The following ROBO1 variants were observed in gnomAD, a reference collection of about 807,000 sequenced individuals.
ROBO1 encodes the protein roundabout guidance receptor 1, also known as roundabout homolog 1.
In ROBO1, 149 loss-of-function variants were observed where a neutral mutation model predicts 195.9. That is an observed-to-expected ratio of 0.76 (90% CI 0.67 to 0.87). The LOEUF is 0.87. Ranked by LOEUF, ROBO1 falls within the 40% of genes least tolerant of loss-of-function variation. The pLI is 0.00. For synonymous variants in ROBO1, 816 were observed against 733.2 expected (o/e 1.11, Z -1.82); for missense variants, 1,933 against 2,068.3 (o/e 0.93, Z 1.27).
chr3:78,870,379 A>G (rs560485292), intron 4 of ROBO1, among the ~76,000 whole-genome samples: 1 of 152,330 alleles, frequency 6.6e-6, no homozygotes, highest in East Asian at 1.9e-4. Context: ...CGACTTCTAC[A>G]TGCAAGTGTG....
At chr3:78,619,960 G>A (rs1483397511) in intron 26 of ROBO1, among the ~76,000 whole-genome samples, 1 of 150,490 alleles carries the variant, frequency 6.6e-6, no homozygotes, top group Non-Finnish European at 1.5e-5. Context: ...AGGGGTTGCA[G>A]TGAGCCAAGA....
At chr3:79,058,495 G>C (rs1321076145) in intron 3 of ROBO1, among the ~76,000 whole-genome samples, 1 of 151,944 alleles carries the variant, frequency 6.6e-6, no homozygotes, top group Non-Finnish European at 1.5e-5. Flanking sequence ...TATGGGAAGG[G>C]GAAACTTTTC....
chr3:78,806,181 C>A (rs1250009369), intron 4 of ROBO1, among the ~76,000 whole-genome samples: 1 of 152,032 alleles, frequency 6.6e-6, no homozygotes, highest in African/African-American at 2.4e-5. Context: ...ACTATGTTAA[C>A]CAGGCTAGCC....
intron 3 of ROBO1, among the ~76,000 whole-genome samples, chr3:78,961,244 A>G (rs556763558): frequency 6.7e-4 from 102 of 152,088 alleles, no homozygotes; most frequent in Non-Finnish European, 1.3e-3. Context: ...TAAATTTTTC[A>G]TACAAAAAAA....
At chr3:79,565,683 G>A (rs770838280) in intron 2 of ROBO1, among the ~76,000 whole-genome samples, 59 of 151,908 alleles carry the variant, frequency 3.9e-4, no homozygotes, top group Non-Finnish European at 7.9e-4. Flanking sequence ...AGTCCTGAAG[G>A]GCTGACCAAT....
At chr3:79,534,653 A>G (rs1941786809) in intron 2 of ROBO1, among the ~76,000 whole-genome samples, 1 of 152,162 alleles carries the variant, frequency 6.6e-6, no homozygotes, top group African/African-American at 2.4e-5. Context: ...GGTGAGTTTC[A>G]AAAGAACTAA....
Position 79,159,041 on chromosome 3 carries a change from T to A in ROBO1, c.89-33502A>T, listed in dbSNP as rs1039547658. 2.0e-5 allele frequency among the ~76,000 whole-genome samples: 3 copies of A among 151,962 alleles called. No individual in the cohort carries two copies. The East Asian group carries it at 5.8e-4, about 30-fold the overall frequency. On this transcript the variant is annotated intron_variant, in intron 2 of 30. Transcript: ENST00000464233. ...ATGAATGTTTTTGGAAGAAATAATA[T>A]CCCCCATATTATTCAAGTAAAATTT... is the stretch of plus-strand genomic sequence containing the variant.
chr3:78,895,065 C>T (rs1429460146), intron 4 of ROBO1, among the ~76,000 whole-genome samples: 1 of 152,166 alleles, frequency 6.6e-6, no homozygotes, highest in Non-Finnish European at 1.5e-5. Context: ...ATTACAGAGC[C>T]CAACATGCAT....
chr3:79,557,156 TATTAA>T (rs1446031521), intron 2 of ROBO1, among the ~76,000 whole-genome samples: 4 of 151,942 alleles, frequency 2.6e-5, no homozygotes, highest in Admixed American at 2.6e-4. Flanking sequence ...TGTTTAAAAT[TATTAA>T]ATTAATCTTA....
chr3:78,789,813 A>G (rs1344255628), intron 4 of ROBO1, among the ~76,000 whole-genome samples: 1 of 152,142 alleles, frequency 6.6e-6, no homozygotes, highest in Non-Finnish European at 1.5e-5. Flanking sequence ...CCCTCTTTAG[A>G]GCTCAAGCCA....
intron 1 of ROBO1, among the ~76,000 whole-genome samples, chr3:79,664,254 C>T (rs369524454): frequency 6.1e-4 from 92 of 152,018 alleles, no homozygotes; most frequent in African/African-American, 2.1e-3. Flanking sequence ...ATTCCAAGGA[C>T]CTGAATAATC....
At chr3:79,410,108 T>C (rs114689847) in intron 2 of ROBO1, among the ~76,000 whole-genome samples, 5,232 of 152,216 alleles carry the variant, frequency 0.034, 202 homozygotes, top group African/African-American at 0.098. Context: ...TAGAACTGTG[T>C]CTGTAAATTA....
chr3:78,917,598 A>G lies in ROBO1; in HGVS notation c.499+21003T>C, dbSNP rs542976928. Among the ~76,000 whole-genome samples the G allele has an allele frequency of 2.0e-5, 3 of 152,326 alleles. No homozygotes were observed. The South Asian group carries it at 6.2e-4, about 32-fold the overall frequency. On this transcript the variant is annotated intron_variant, in intron 4 of 30. Coordinates refer to ENST00000464233, the MANE Select transcript of ROBO1 (RefSeq NM_002941.4). ...TAAAATCTGAAATTCCATCATGAAT[A>G]ATCAGCTATAATAAAGAAAAAGAAG...
intron 2 of ROBO1, among the ~76,000 whole-genome samples, chr3:79,180,493 C>A (rs531341610): frequency 3.3e-5 from 5 of 152,308 alleles, no homozygotes; most frequent in African/African-American, 1.2e-4. Context: ...CACTTTCCAA[C>A]TGCCAATCGA....
intron 3 of ROBO1, among the ~76,000 whole-genome samples, chr3:79,053,631 G>T (rs529321063): frequency 2.4e-4 from 37 of 151,766 alleles, no homozygotes; most frequent in African/African-American, 8.9e-4. Flanking sequence ...ACACATGGAC[G>T]CTAGTAATCA....
chr3:79,725,338 T>C (rs1465790982), intron 1 of ROBO1, among the ~76,000 whole-genome samples: 3 of 147,548 alleles, frequency 2.0e-5, no homozygotes, highest in Non-Finnish European at 4.5e-5. Context: ...GCCATTCTCC[T>C]GCCTCAGCCT....
intron 4 of ROBO1, among the ~76,000 whole-genome samples, chr3:78,903,182 T>G (rs1254203443): frequency 1.3e-5 from 2 of 152,148 alleles, no homozygotes; most frequent in Admixed American, 6.5e-5. Context: ...TTTGGCAGTT[T>G]TTATTAATAT....
intron 4 of ROBO1, among the ~76,000 whole-genome samples, chr3:78,787,537 T>A (rs931061942): frequency 6.6e-6 from 1 of 152,248 alleles, no homozygotes; most frequent in Admixed American, 6.5e-5. Context: ...ATCTTGGGTC[T>A]TGTGATCCAC....
chr3:78,883,928 T>A (rs1190182702), intron 4 of ROBO1, among the ~76,000 whole-genome samples: 1 of 152,050 alleles, frequency 6.6e-6, no homozygotes, highest in African/African-American at 2.4e-5. Flanking sequence ...ACTGCAAAGC[T>A]AGGATGGGGG....
Sources: allele counts gnomAD v4.1 joint callset (sites outside exome capture counted in the v4.1 genomes callset), GRCh38; gene constraint gnomAD v4.1.1; transcripts MANE v1.5; gene names NCBI Gene and HGNC (gene_info 2026-07-23, HGNC 2026-07-21).